Variants in IKZF1 observed in about 807,000 individuals in gnomAD.
The protein encoded by IKZF1 is IKAROS family zinc finger 1.
Under a neutral mutation model 51.7 loss-of-function variants are expected in IKZF1, and 10 were observed. The observed-to-expected ratio is 0.19, with a 90% CI of 0.12 to 0.33. The LOEUF (loss-of-function observed/expected upper bound fraction) is 0.33, where lower values mean the gene tolerates loss of function less well. Among genes scored for constraint, IKZF1 ranks in the 10% least tolerant of loss-of-function variants. IKZF1 has a pLI of 1.00. For missense variants in IKZF1, 484 were observed against 707.5 expected, an observed-to-expected ratio of 0.68 and a Z score of 3.58; for synonymous variants, 280 against 282.3, an observed-to-expected ratio of 0.99 and a Z score of 0.08.
intron 3 of IKZF1, among the ~76,000 whole-genome samples, chr7:50,334,628 T>C (rs1797201032): frequency 2.0e-5 from 3 of 151,654 alleles, no homozygotes; most frequent in Non-Finnish European, 4.4e-5. Flanking sequence ...GTGCTGTGTA[T>C]ATGTGTATGG....
At chr7:50,323,149 C>A (rs933999935) in intron 2 of IKZF1, among the ~76,000 whole-genome samples, 3 of 152,016 alleles carry the variant, frequency 2.0e-5, no homozygotes, top group African/African-American at 7.2e-5. Flanking sequence ...CAAACATTAC[C>A]CAAAGTGTTT....
intron 1 of IKZF1, among the ~76,000 whole-genome samples, chr7:50,315,600 G>A (rs983479934): frequency 3.7e-4 from 57 of 152,268 alleles, no homozygotes; most frequent in African/African-American, 1.2e-3. Flanking sequence ...TTTTACTATC[G>A]CTTCTTTTAG....
chr7:50,364,018 A>C (rs188215597), intron 3 of IKZF1, among the ~76,000 whole-genome samples: 35 of 152,382 alleles, frequency 2.3e-4, no homozygotes, highest in Admixed American at 6.5e-5. Context: ...GATTTAAAGA[A>C]TGACAGCATT....
chr7:50,343,202 C>G (rs1384060127), intron 3 of IKZF1, among the ~76,000 whole-genome samples: 1 of 109,966 alleles, frequency 9.1e-6, no homozygotes, highest in Non-Finnish European at 1.8e-5. Flanking sequence ...CGTCTCCCTT[C>G]CCCTCGTCTC....
At chr7:50,383,623 C>G (rs955694943) in intron 5 of IKZF1, among the ~76,000 whole-genome samples, 1 of 152,170 alleles carries the variant, frequency 6.6e-6, no homozygotes, top group Non-Finnish European at 1.5e-5. Context: ...CATGAGACTT[C>G]GGAGGCGAAA....
chr7:50,375,716 C>A (rs1346369806), intron 3 of IKZF1, among the ~76,000 whole-genome samples: 8 of 124,442 alleles, frequency 6.4e-5, no homozygotes, highest in African/African-American at 9.0e-5. Context: ...CCCCCCCCCC[C>A]CACCCACCAC....
Position 50,376,383 on chromosome 7 carries a change from G to A in IKZF1, c.161-150G>A, listed in dbSNP as rs1810294107. 9.1e-6 allele frequency: 12 copies of A among 1,323,310 alleles called. No homozygotes were observed. Among genetic ancestry groups the A allele is most frequent in the Admixed American group, 4.7e-5 (2 of 42,512 alleles). The allele number at this position is 1,323,310 out of a possible 1,614,324, so 82.0% of individuals were successfully genotyped here. Reference sequence around the variant, plus strand: ...GCCCACTCAAGGCTGAATGCACGGCGAGCTCAGGCTGCTCTCCCCTTGGTA... The same window carrying A: ...GCCCACTCAAGGCTGAATGCACGGCAAGCTCAGGCTGCTCTCCCCTTGGTA... On this transcript the variant is annotated intron_variant, in intron 3 of 7. Coordinates refer to ENST00000331340, the MANE Select transcript of IKZF1 (RefSeq NM_006060.6). This position sits in a 1 kb window ranked among gnomAD's most constrained non-coding sequence, Gnocchi z 4.5.
intron 2 of IKZF1, among the ~76,000 whole-genome samples, chr7:50,324,551 C>T (rs990496972): frequency 9.9e-5 from 15 of 152,144 alleles, no homozygotes; most frequent in East Asian, 3.9e-4. Flanking sequence ...TTTAGAATTG[C>T]GATCCCTACT....
chr7:50,366,711 C>A (rs1807065862), intron 3 of IKZF1, among the ~76,000 whole-genome samples: 1 of 152,192 alleles, frequency 6.6e-6, no homozygotes, highest in Admixed American at 6.5e-5. Context: ...GTAATACATA[C>A]CCTTTAAAAC....
intron 1 of IKZF1, among the ~76,000 whole-genome samples, chr7:50,311,044 T>C (rs1214841249): frequency 6.6e-6 from 1 of 152,216 alleles, no homozygotes; most frequent in African/African-American, 2.4e-5. Context: ...ATAGTTATTA[T>C]GAAAAAAATC....
At chr7:50,390,695 C>T (rs1814795592) in intron 6 of IKZF1, among the ~76,000 whole-genome samples, 1 of 152,104 alleles carries the variant, frequency 6.6e-6, no homozygotes, top group Admixed American at 6.5e-5. Flanking sequence ...AATCTGGTAA[C>T]CATGTATCAT....
chr7:50,338,853 A>G (rs1798387948), intron 3 of IKZF1, among the ~76,000 whole-genome samples: 1 of 152,236 alleles, frequency 6.6e-6, no homozygotes, highest in African/African-American at 2.4e-5. Flanking sequence ...ACAGGAACCT[A>G]CATTTCACAA....
chr7:50,382,355 A>G (rs1297814343), intron 4 of IKZF1, among the ~76,000 whole-genome samples, 185 bp from the exon 5 acceptor site: 3 of 152,202 alleles, frequency 2.0e-5, no homozygotes, highest in East Asian at 1.9e-4. Flanking sequence ...AGATTTTCAG[A>G]TCAAATTGAC....
intron 4 of IKZF1, 115 bp from the exon 5 acceptor site, chr7:50,382,425 A>C: frequency 2.1e-6 from 3 of 1,406,424 alleles, no homozygotes; most frequent in Non-Finnish European, 2.8e-6. Context: ...TGTTCTATCA[A>C]ACCTGCAGCC....
chr7:50,381,126 AG>A (rs1032928651), intron 4 of IKZF1, among the ~76,000 whole-genome samples: 4 of 152,042 alleles, frequency 2.6e-5, no homozygotes, highest in African/African-American at 9.7e-5. Context: ...TTAAAAAAAA[AG>A]TGATGATAAT....
chr7:50,339,415 A>G (rs1798548160), intron 3 of IKZF1, among the ~76,000 whole-genome samples: 1 of 152,136 alleles, frequency 6.6e-6, no homozygotes, highest in Non-Finnish European at 1.5e-5. Context: ...TCTAAACAAA[A>G]CACATCTTTA....
intron 3 of IKZF1, among the ~76,000 whole-genome samples, chr7:50,333,268 A>C (rs1342047142): frequency 6.9e-6 from 1 of 145,970 alleles, no homozygotes; most frequent in Admixed American, 7.2e-5. Context: ...TAAATTGGCT[A>C]TTCTGGTGCC....
Position 50,349,432 on chromosome 7 carries a change from G to A in IKZF1, c.160+21675G>A, listed in dbSNP as rs756505851. ...GCATGGAATTTTTAGAAGATAGGAC[G>A]TGTATTATGTACCTATAAGAATGGG... On this transcript the variant is annotated intron_variant, in intron 3 of 7. Coordinates refer to ENST00000331340, the MANE Select transcript of IKZF1 (RefSeq NM_006060.6). Among the ~76,000 whole-genome samples the A allele has an allele frequency of 2.2e-4, 33 of 152,336 alleles. 1 individual carries two copies. The highest frequency in any genetic ancestry group is 3.4e-3 in the Middle Eastern group (1 of 294).
At chr7:50,380,319 TCCAAGTGAACC>T (rs566887760) in intron 4 of IKZF1, among the ~76,000 whole-genome samples, 1 of 152,330 alleles carries the variant, frequency 6.6e-6, no homozygotes, top group Non-Finnish European at 1.5e-5. Context: ...CACTGCAGGA[TCCAAGTGAACC>T]CCTGCCCGCC....
Sources: allele counts gnomAD v4.1 joint callset (sites outside exome capture counted in the v4.1 genomes callset), GRCh38; gene constraint gnomAD v4.1.1; non-coding constraint Gnocchi (gnomAD v3.1); transcripts MANE v1.5; gene names NCBI Gene and HGNC (gene_info 2026-07-23, HGNC 2026-07-21).